CAMTA1: variants seen among roughly 807,000 people sequenced by gnomAD.
CAMTA1 encodes the protein calmodulin binding transcription activator 1.
CAMTA1 carries 27 observed loss-of-function variants against 170.9 expected under a neutral mutation model. That is an observed-to-expected ratio of 0.16 (90% CI 0.12 to 0.22). The LOEUF is 0.22. Ranked by LOEUF, CAMTA1 falls within the 10% of genes least tolerant of loss-of-function variation. The pLI is 1.00. For missense variants in CAMTA1, 1,619 were observed against 2,217.2 expected (o/e 0.73, Z 5.42); for synonymous variants, 833 against 891.5 (o/e 0.93, Z 1.17).
intron 11 of CAMTA1, among the ~76,000 whole-genome samples, chr1:7,690,478 C>A (rs903181616): frequency 6.6e-6 from 1 of 152,182 alleles, no homozygotes; most frequent in Non-Finnish European, 1.5e-5. Context: ...AGCCCCACAC[C>A]CCATTTGGTG....
At chr1:7,083,966 T>C (rs1185956360) in intron 3 of CAMTA1, among the ~76,000 whole-genome samples, 4 of 151,834 alleles carry the variant, frequency 2.6e-5, no homozygotes, top group African/African-American at 4.8e-5. Context: ...CTTGGCTTTT[T>C]TTTTTTCCCT....
At chr1:7,531,069 G>A (rs889209429) in intron 6 of CAMTA1, among the ~76,000 whole-genome samples, 3 of 151,720 alleles carry the variant, frequency 2.0e-5, no homozygotes, top group South Asian at 2.1e-4. Flanking sequence ...TGTATGCCTC[G>A]GCCTCCCAAA....
intron 3 of CAMTA1, among the ~76,000 whole-genome samples, chr1:6,960,563 CG>C (rs777474538): frequency 2.5e-4 from 38 of 152,296 alleles, no homozygotes; most frequent in Admixed American, 1.8e-3. Flanking sequence ...ACTCCCCCAC[CG>C]CCTGAAGCAA....
intron 1 of CAMTA1, among the ~76,000 whole-genome samples, chr1:6,800,730 G>A (rs1402285925): frequency 6.6e-6 from 1 of 152,124 alleles, no homozygotes; most frequent in African/African-American, 2.4e-5. Flanking sequence ...TGTGGATTGG[G>A]GAGTTGCTGT....
At position 7,292,335 on chromosome 1, in the gene CAMTA1, G is replaced by T. The variant is rs190386193; in HGVS notation, c.438+42709G>T. Among the ~76,000 whole-genome samples, 9 of 152,258 alleles carry T rather than the reference G, an allele frequency of 5.9e-5. No individual in the cohort carries two copies. The East Asian group carries it at 1.7e-3, about 29-fold the overall frequency. ...AAAGTTCTTTGAAAGAACTTATTTA[G>T]CAGGCAGAGCCAATATTCTGTGTTT... is the stretch of plus-strand genomic sequence containing the variant. On this transcript the variant is annotated intron_variant, in intron 5 of 22. Transcript: ENST00000303635.
At chr1:6,857,829 G>GA (rs942233390) in intron 3 of CAMTA1, among the ~76,000 whole-genome samples, 5 of 150,876 alleles carry the variant, frequency 3.3e-5, no homozygotes, top group African/African-American at 9.7e-5. Flanking sequence ...ACTGTAAAAA[G>GA]AAAAAAAAAG....
chr1:7,159,003 A>G (rs1647051085), intron 4 of CAMTA1, among the ~76,000 whole-genome samples: 1 of 151,944 alleles, frequency 6.6e-6, no homozygotes, highest in African/African-American at 2.4e-5. Flanking sequence ...CTTTTATTTA[A>G]ACTTTGTGCT....
At chr1:7,062,435 G>A (rs1482882940) in intron 3 of CAMTA1, among the ~76,000 whole-genome samples, 1 of 152,234 alleles carries the variant, frequency 6.6e-6, no homozygotes, top group Admixed American at 6.5e-5. Context: ...CACAGAATGA[G>A]TGACAGGGAA....
At chr1:7,246,529 G>A (rs948701864) in intron 4 of CAMTA1, among the ~76,000 whole-genome samples, 2 of 152,010 alleles carry the variant, frequency 1.3e-5, no homozygotes, top group Non-Finnish European at 2.9e-5. Context: ...GGGGAGGGGG[G>A]CTATCTTTTA....
intron 4 of CAMTA1, among the ~76,000 whole-genome samples, chr1:7,105,416 G>T (rs570577131): frequency 5.9e-5 from 9 of 152,318 alleles, no homozygotes; most frequent in African/African-American, 1.9e-4. Context: ...TCAGTTAGGA[G>T]AATTCCCCAG....
chr1:6,901,463 C>T (rs1047566776), intron 3 of CAMTA1, among the ~76,000 whole-genome samples: 1 of 152,104 alleles, frequency 6.6e-6, no homozygotes, highest in Non-Finnish European at 1.5e-5. Flanking sequence ...CTGGGAGGAA[C>T]CTTTGTAAAA....
At position 7,456,822 on chromosome 1, in the gene CAMTA1, G is replaced by C. The variant is rs766795852; in HGVS notation, c.439-11008G>C. 1.3e-5 allele frequency among the ~76,000 whole-genome samples: 2 copies of C among 152,238 alleles called. No individual in the cohort carries two copies. The highest frequency in any genetic ancestry group is 4.8e-5 in the African/African-American group (2 of 41,464). On this transcript the variant is annotated intron_variant, in intron 5 of 22. Coordinates refer to ENST00000303635, the MANE Select transcript of CAMTA1 (RefSeq NM_015215.4). This position sits in a 1 kb window ranked among gnomAD's most constrained non-coding sequence, Gnocchi z 4.9. ...GTGGGCCTGGCTGAACGTCCTCAGAGGGTGGGAAAACAGGCAGGTGAGAGT... is the reference window on the plus strand; with the variant it reads ...GTGGGCCTGGCTGAACGTCCTCAGACGGTGGGAAAACAGGCAGGTGAGAGT...
At chr1:7,368,283 T>C (rs113594677) in intron 5 of CAMTA1, among the ~76,000 whole-genome samples, 49 of 151,770 alleles carry the variant, frequency 3.2e-4, no homozygotes, top group Non-Finnish European at 6.0e-4. Flanking sequence ...ATGGTTTCAC[T>C]GGGCACAGGC....
In CAMTA1 at chr1:7,381,069, T is replaced by C. The variant is rs529124633; in HGVS notation, c.439-86761T>C. Among the ~76,000 whole-genome samples the C allele has an allele frequency of 3.3e-5, 5 of 152,342 alleles. No individual in the cohort carries two copies. The South Asian group carries it at 1.0e-3, about 32-fold the overall frequency. On this transcript the variant is annotated intron_variant, in intron 5 of 22. Transcript: ENST00000303635. ...TGGAGTCAGACAGGCTGTATTAAGA[T>C]AGGTTCAGCTGCAAGTGACCGAAAA... is the stretch of plus-strand genomic sequence containing the variant.
intron 7 of CAMTA1, among the ~76,000 whole-genome samples, chr1:7,650,924 G>A (rs2095844807): frequency 6.6e-6 from 1 of 152,176 alleles, no homozygotes. Context: ...CAACCCGGCT[G>A]CCATTTCCCA....
intron 6 of CAMTA1, among the ~76,000 whole-genome samples, chr1:7,616,478 G>A (rs1016302375): frequency 2.6e-5 from 4 of 152,248 alleles, no homozygotes; most frequent in African/African-American, 9.6e-5. Flanking sequence ...GAACCGGTCA[G>A]CCCAGGACTG....
At chr1:7,475,258 G>A (rs1026134290) in intron 6 of CAMTA1, among the ~76,000 whole-genome samples, 15 of 152,124 alleles carry the variant, frequency 9.9e-5, no homozygotes, top group African/African-American at 1.2e-4. Context: ...AAAGCCTGAC[G>A]GCACTGGCTC....
intron 4 of CAMTA1, among the ~76,000 whole-genome samples, chr1:7,240,525 T>C (rs1480774968): frequency 1.3e-5 from 2 of 151,830 alleles, no homozygotes; most frequent in African/African-American, 2.4e-5. Flanking sequence ...AGTCTTTTTT[T>C]TTTTTTTTTT....
chr1:7,295,427 TTG>T (rs1673789035), intron 5 of CAMTA1, among the ~76,000 whole-genome samples: 1 of 152,210 alleles, frequency 6.6e-6, no homozygotes, highest in South Asian at 2.1e-4. Context: ...GGAGGGCTTG[TTG>T]TGTGTTTCCT....
Sources: gnomAD v4.1 joint callset for allele counts (sites outside exome capture counted in the v4.1 genomes callset) on GRCh38, gnomAD v4.1.1 for gene constraint, Gnocchi (gnomAD v3.1) non-coding constraint, MANE v1.5 for transcripts, NCBI Gene and HGNC (gene_info 2026-07-23, HGNC 2026-07-21) for gene names.